DNAH14: variants seen among roughly 807,000 people sequenced by gnomAD.
DNAH14 encodes dynein axonemal heavy chain 14, also known as axonemal beta dynein heavy chain 14.
Under a neutral mutation model 520.9 loss-of-function variants are expected in DNAH14, and 478 were observed. The observed-to-expected ratio is 0.92, with a 90% CI of 0.85 to 0.99. The LOEUF is 0.99. DNAH14 is among the 50% of genes least tolerant of loss of function. The probability of loss-of-function intolerance (pLI) is 0.00; values close to 1 mark genes in which losing one functional copy is unlikely to be tolerated. For missense variants in DNAH14, 4,831 were observed against 5,234.5 expected (o/e 0.92, Z 2.38); for synonymous variants, 1,581 against 1,757.2 (o/e 0.90, Z 2.51).
intron 23 of DNAH14, among the ~76,000 whole-genome samples, chr1:225,103,447 G>A (rs1030392099): frequency 6.6e-6 from 1 of 152,132 alleles, no homozygotes; most frequent in African/African-American, 2.4e-5. Flanking sequence ...GTAGCTTGAT[G>A]GGGATGGCAT....
intron 41 of DNAH14, among the ~76,000 whole-genome samples, chr1:225,228,540 C>T (rs560777400): frequency 6.6e-6 from 1 of 152,308 alleles, no homozygotes; most frequent in African/African-American, 2.4e-5. Context: ...CGTAGATCTA[C>T]ATGCCCAACA....
At chr1:224,970,705 G>A (rs1049253766) in intron 7 of DNAH14, among the ~76,000 whole-genome samples, 4 of 152,094 alleles carry the variant, frequency 2.6e-5, no homozygotes, top group African/African-American at 9.7e-5. Context: ...CCGATACCTG[G>A]CTGAATTTCC....
At chr1:225,048,768 T>C (rs2068203281) in intron 15 of DNAH14, among the ~76,000 whole-genome samples, 2 of 152,130 alleles carry the variant, frequency 1.3e-5, no homozygotes. Flanking sequence ...ATATTTAACA[T>C]TATGAGAATG....
At chr1:225,339,203 T>TGGGG (rs2095127774) in intron 68 of DNAH14, among the ~76,000 whole-genome samples, 1 of 150,338 alleles carries the variant, frequency 6.7e-6, no homozygotes, top group South Asian at 2.1e-4. Flanking sequence ...CCCAGCTACA[T>TGGGG]GGGAGGCTGA....
At chr1:224,996,337 T>TA (rs201564435) in intron 8 of DNAH14, among the ~76,000 whole-genome samples, 13,816 of 151,928 alleles carry the variant, frequency 0.091, 2,022 homozygotes, top group African/African-American at 0.31. Flanking sequence ...TTATTATTAT[T>TA]TTTTGTGGAA....
intron 25 of DNAH14, 66 bp downstream of exon 25, chr1:225,118,065 A>T: frequency 8.3e-7 from 1 of 1,206,464 alleles, no homozygotes. Flanking sequence ...TCTGCTTTGA[A>T]ATTTTTGATA....
intron 1 of DNAH14, among the ~76,000 whole-genome samples, chr1:224,943,603 ATCCT>A (rs993152327): frequency 9.2e-5 from 14 of 151,824 alleles, no homozygotes; most frequent in Non-Finnish European, 1.5e-4. Flanking sequence ...TCAATTTTAG[ATCCT>A]TCCTGCTTTC....
rs2093827474 is a variant in DNAH14 at position 225,289,898 on chromosome 1, G to A, written c.8285G>A (p.Gly2762Glu). The change falls in exon 55 of 86, where the codon GGA becomes GAA. Residue 2762 changes from glycine (G) to glutamate (E), a missense_variant. Transcript: ENST00000682510. ...TTTCTCCCAAAGATTGGAATAGATG[G>A]ATGTGGGAAAAAAACATGTGCAACC... ...GSHMLLIGID[G>E]CGKKTCATLA... 1 of 1,421,054 alleles carries A rather than the reference G, an allele frequency of 7.0e-7. No individual in the cohort carries two copies. 88.0% of individuals were successfully genotyped at this position (1,421,054 alleles called of 1,614,324 possible). A position where few individuals can be genotyped will look rare whatever the true frequency, so the allele number is the denominator to read the frequency against.
intron 54 of DNAH14, among the ~76,000 whole-genome samples, chr1:225,288,188 T>C (rs1348642143): frequency 6.6e-6 from 1 of 152,092 alleles, no homozygotes; most frequent in Admixed American, 6.6e-5. Flanking sequence ...AACACCGCCT[T>C]ATCTAGGTGA....
At chr1:225,197,268 A>G (rs907447480) in intron 38 of DNAH14, among the ~76,000 whole-genome samples, 9 of 152,090 alleles carry the variant, frequency 5.9e-5, no homozygotes, top group African/African-American at 1.9e-4. Flanking sequence ...TGGCTTGCCA[A>G]TTATCCCAGC....
intron 21 of DNAH14, among the ~76,000 whole-genome samples, chr1:225,089,363 G>GA (rs1271230704): frequency 1.4e-5 from 2 of 145,692 alleles, no homozygotes; most frequent in Non-Finnish European, 3.0e-5. Context: ...AGAATCGCTT[G>GA]AAGCCGGGAG....
At chr1:225,391,688 C>T (rs1255894778) in intron 83 of DNAH14, among the ~76,000 whole-genome samples, 1 of 152,006 alleles carries the variant, frequency 6.6e-6, no homozygotes, top group African/African-American at 2.4e-5. Flanking sequence ...TGGCTGCTGG[C>T]GTCATTCACT....
intron 8 of DNAH14, among the ~76,000 whole-genome samples, chr1:225,001,870 A>T (rs1408643029): frequency 6.6e-6 from 1 of 152,076 alleles, no homozygotes; most frequent in Non-Finnish European, 1.5e-5. Context: ...TTCTTCTATG[A>T]CTAGGAGTAG....
intron 71 of DNAH14, 85 bp from the exon 72 acceptor site, chr1:225,351,562 C>A (rs749221459): frequency 2.2e-4 from 195 of 872,606 alleles, no homozygotes; most frequent in Non-Finnish European, 2.4e-4. Context: ...AACAGTACAT[C>A]TTTGTCAAGT....
At chr1:225,247,676 A>T (rs1031288749) in intron 43 of DNAH14, among the ~76,000 whole-genome samples, 40 of 152,360 alleles carry the variant, frequency 2.6e-4, no homozygotes, top group African/African-American at 9.4e-4. Context: ...AAATGTCAAT[A>T]AAAAATATTT....
chr1:225,066,998 CAT>C (rs1296043911), intron 17 of DNAH14, among the ~76,000 whole-genome samples: 12 of 152,182 alleles, frequency 7.9e-5, no homozygotes, highest in East Asian at 7.7e-4. Context: ...TTCAGGGGAA[CAT>C]GTGCAGAATG....
intron 26 of DNAH14, among the ~76,000 whole-genome samples, chr1:225,120,173 T>C (rs1372113983): frequency 2.0e-5 from 3 of 152,008 alleles, no homozygotes; most frequent in Non-Finnish European, 4.4e-5. Context: ...GCTCCAGAAG[T>C]GGGGAGTACT....
chr1:225,010,183 G>C (rs1410778310), intron 10 of DNAH14, among the ~76,000 whole-genome samples: 2 of 152,166 alleles, frequency 1.3e-5, no homozygotes, highest in South Asian at 4.2e-4. Flanking sequence ...AGTTTTCAAA[G>C]GGAATGCTTC....
intron 36 of DNAH14, among the ~76,000 whole-genome samples, chr1:225,180,938 T>C (rs903055007): frequency 1.3e-5 from 2 of 152,180 alleles, no homozygotes; most frequent in Non-Finnish European, 1.5e-5. Context: ...ATAGTGAACA[T>C]AGTACACAAT....
Sources: allele counts gnomAD v4.1 joint callset (sites outside exome capture counted in the v4.1 genomes callset), GRCh38; gene constraint gnomAD v4.1.1; transcripts MANE v1.5; gene names NCBI Gene and HGNC (gene_info 2026-07-23, HGNC 2026-07-21).